Variants in HGD observed in about 807,000 individuals in gnomAD.
The protein encoded by HGD is homogentisate 1,2-dioxygenase.
In HGD, 61 loss-of-function variants were observed where a neutral mutation model predicts 60.8. The observed-to-expected ratio is 1.00, with a 90% CI of 0.82 to 1.24. The LOEUF is 1.24. Among genes scored for constraint, HGD ranks in the 50% most tolerant of loss-of-function variants. The pLI is 0.00. For synonymous variants in HGD, 212 were observed against 187.7 expected (o/e 1.13, Z -1.06); for missense variants, 542 against 547.1 (o/e 0.99, Z 0.09).
intron 3 of HGD, among the ~76,000 whole-genome samples, chr3:120,672,533 A>T (rs749682704): frequency 1.3e-5 from 2 of 152,164 alleles, no homozygotes; most frequent in Non-Finnish European, 2.9e-5. Context: ...ACATTGAGCC[A>T]TCTGGGGGAA....
intron 3 of HGD, among the ~76,000 whole-genome samples, chr3:120,671,003 C>T (rs1708014459): frequency 6.6e-6 from 1 of 152,152 alleles, no homozygotes; most frequent in African/African-American, 2.4e-5. Context: ...AATCAATTTT[C>T]TCCTTTAAAA....
chr3:120,676,318 G>A (rs377044235), intron 1 of HGD, among the ~76,000 whole-genome samples: 51 of 152,272 alleles, frequency 3.3e-4, no homozygotes, highest in African/African-American at 1.2e-3. Context: ...CTATATTTGT[G>A]CGAATGCATG....
intron 5 of HGD, among the ~76,000 whole-genome samples, chr3:120,651,756 C>A (rs1941349050): frequency 6.6e-6 from 1 of 152,136 alleles, no homozygotes; most frequent in Admixed American, 6.5e-5. Context: ...CCCAGATACT[C>A]CTTGCTCTGT....
chr3:120,634,363 A>T (rs1021269859), intron 12 of HGD, among the ~76,000 whole-genome samples: 1 of 152,204 alleles, frequency 6.6e-6, no homozygotes, highest in Non-Finnish European at 1.5e-5. Flanking sequence ...TTAGAGTAGC[A>T]ATACCATAGA....
chr3:120,673,583 A>G (rs904662110), intron 3 of HGD, among the ~76,000 whole-genome samples: 6 of 152,198 alleles, frequency 3.9e-5, no homozygotes, highest in Admixed American at 1.3e-4. Flanking sequence ...ATCTTTCTCT[A>G]TCTCTTCCTC....
At chr3:120,663,079 G>T (rs933380561) in intron 4 of HGD, among the ~76,000 whole-genome samples, 1 of 152,164 alleles carries the variant, frequency 6.6e-6, no homozygotes, top group Non-Finnish European at 1.5e-5. Context: ...ATCCAGAACT[G>T]TTAGAAAGTA....
chr3:120,661,158 T>C (rs1172015515), intron 4 of HGD, among the ~76,000 whole-genome samples: 1 of 152,176 alleles, frequency 6.6e-6, no homozygotes, highest in Non-Finnish European at 1.5e-5. Flanking sequence ...CCCTGAGCCC[T>C]TTGATCTTAG....
At chr3:120,654,529 A>T (rs1414331022) in intron 4 of HGD, among the ~76,000 whole-genome samples, 3 of 152,256 alleles carry the variant, frequency 2.0e-5, no homozygotes, top group East Asian at 1.9e-4. Context: ...CCACCAACTG[A>T]TCAATCAACT....
chr3:120,650,247 A>G (rs780418537), intron 6 of HGD, among the ~76,000 whole-genome samples: 1 of 152,154 alleles, frequency 6.6e-6, no homozygotes, highest in Non-Finnish European at 1.5e-5. Context: ...TTACTTTTCT[A>G]CTGAGATAAA....
intron 3 of HGD, among the ~76,000 whole-genome samples, chr3:120,674,317 T>G (rs951274426): frequency 2.0e-5 from 3 of 152,216 alleles, no homozygotes; most frequent in African/African-American, 7.2e-5. Flanking sequence ...GACCTGGATG[T>G]AGGATTAGAG....
At chr3:120,656,563 T>TGGGG (rs540184739) in intron 4 of HGD, among the ~76,000 whole-genome samples, 1 of 148,894 alleles carries the variant, frequency 6.7e-6, no homozygotes, top group African/African-American at 2.5e-5. Context: ...ATCTTTTTTT[T>TGGGG]GGGGGGGGGT....
chr3:120,674,795 G>T, intron 3 of HGD, 106 bp downstream of exon 3: 1 of 776,966 alleles, frequency 1.3e-6, no homozygotes, highest in South Asian at 1.4e-5. Context: ...TAAGAAGCAG[G>T]ATCTTGGGCA....
intron 4 of HGD, among the ~76,000 whole-genome samples, chr3:120,667,210 C>T (rs1000227111): frequency 1.3e-5 from 2 of 151,254 alleles, no homozygotes; most frequent in African/African-American, 4.9e-5. Context: ...CCTGTATTCC[C>T]AGCTACTCAG....
At chr3:120,668,142 C>T (rs1172099291) in intron 4 of HGD, among the ~76,000 whole-genome samples, 4 of 152,196 alleles carry the variant, frequency 2.6e-5, no homozygotes, top group Non-Finnish European at 5.9e-5. Flanking sequence ...GGGAGGATGT[C>T]TGCTTTATGC....
intron 13 of HGD, among the ~76,000 whole-genome samples, chr3:120,632,704 C>T (rs1008646011): frequency 6.6e-6 from 1 of 152,178 alleles, no homozygotes; most frequent in African/African-American, 2.4e-5. Flanking sequence ...ATAGCATATG[C>T]CCAGGGCTGC....
intron 6 of HGD, among the ~76,000 whole-genome samples, chr3:120,649,454 T>C (rs993335102): frequency 1.3e-5 from 2 of 152,104 alleles, no homozygotes; most frequent in African/African-American, 4.8e-5. Context: ...CCGTTGTCTT[T>C]TTCTAAAGAC....
At chr3:120,664,612 G>A (rs1707857691) in intron 4 of HGD, among the ~76,000 whole-genome samples, 1 of 151,712 alleles carries the variant, frequency 6.6e-6, no homozygotes, top group Non-Finnish European at 1.5e-5. Flanking sequence ...TCACATTTGT[G>A]TAGAGCCAGG....
rs1427395990 is a variant in HGD, at chr3:120,628,436, C to A, written c.1282G>T (p.Glu428Ter). 1 of 1,613,996 alleles carries A rather than the reference C, an allele frequency of 6.2e-7. No homozygotes were observed. The highest frequency in any genetic ancestry group is 8.5e-7 in the Non-Finnish European group (1 of 1,179,966). ...GGAGTGAAGTGGCTCTTGAGTGGCT[C>A]CCAGCACTTGTGGTAGTTCTCATCC... ...CLDENYHKCW[E>*]PLKSHFTPNS... Residue 428 changes from glutamate to a stop codon, truncating the protein, a stop_gained, in exon 14 of 14, where the codon GAG (glutamate) becomes TAG (stop). Coordinates refer to ENST00000283871, the MANE Select transcript of HGD (RefSeq NM_000187.4). LOFTEE classifies it high-confidence loss of function.
chr3:120,676,416 T>A (rs959808734), intron 1 of HGD, among the ~76,000 whole-genome samples: 2 of 151,232 alleles, frequency 1.3e-5, no homozygotes, highest in Non-Finnish European at 2.9e-5. Context: ...CTACTCTGAT[T>A]GCCATCTCTT....
Sources: allele counts gnomAD v4.1 joint callset (sites outside exome capture counted in the v4.1 genomes callset), GRCh38; gene constraint gnomAD v4.1.1; transcripts MANE v1.5; gene names NCBI Gene and HGNC (gene_info 2026-07-23, HGNC 2026-07-21).